CMSS1: variants seen among roughly 807,000 people sequenced by gnomAD.
The protein encoded by CMSS1 is protein CMSS1.
Under a neutral mutation model 43.5 loss-of-function variants are expected in CMSS1, and 33 were observed. The observed-to-expected ratio is 0.76, with a 90% CI of 0.57 to 1.01. The LOEUF (loss-of-function observed/expected upper bound fraction) is 1.01. CMSS1 is among the 50% of genes least tolerant of loss of function. CMSS1 has a pLI of 0.00. For missense variants in CMSS1, 313 were observed against 326.4 expected, an observed-to-expected ratio of 0.96 and a Z score of 0.32; for synonymous variants, 115 against 117.2, an observed-to-expected ratio of 0.98 and a Z score of 0.12.
At chr3:100,161,807 C>G (rs2067025987) in intron 3 of CMSS1, among the ~76,000 whole-genome samples, 1 of 152,110 alleles carries the variant, frequency 6.6e-6, no homozygotes, top group South Asian at 2.1e-4. Context: ...ACCTGAGAAT[C>G]GAGGGTGTTA....
At chr3:99,939,039 G>A (rs1012260459) in intron 1 of CMSS1, among the ~76,000 whole-genome samples, 1 of 151,900 alleles carries the variant, frequency 6.6e-6, no homozygotes, top group African/African-American at 2.4e-5. Context: ...TTCCTTGTAG[G>A]GCATAGACAA....
intron 1 of CMSS1, among the ~76,000 whole-genome samples, chr3:99,937,797 G>C (rs1707726420): frequency 6.6e-6 from 1 of 152,190 alleles, no homozygotes; most frequent in African/African-American, 2.4e-5. Context: ...ATTAGAAAAA[G>C]GGTACTGAGA....
chr3:100,162,469 C>A (rs758555127), intron 4 of CMSS1, 37 bp downstream of exon 4: 1 of 1,594,386 alleles, frequency 6.3e-7, no homozygotes, highest in Non-Finnish European at 8.6e-7. Context: ...AGACAAGGAG[C>A]AAAACATAAG....
At chr3:100,093,553 C>T (rs528212259) in intron 1 of CMSS1, among the ~76,000 whole-genome samples, 2 of 152,230 alleles carry the variant, frequency 1.3e-5, no homozygotes, top group South Asian at 2.1e-4. Flanking sequence ...ATTCCACATA[C>T]ACTTCAACCA....
chr3:100,114,063 C>T (rs564228302), intron 1 of CMSS1: 10 of 151,912 alleles, frequency 6.6e-5, no homozygotes, highest in Non-Finnish European at 1.3e-4. Flanking sequence ...CGTGCAGGTA[C>T]CGTGCAGGTG....
intron 1 of CMSS1, among the ~76,000 whole-genome samples, chr3:99,965,038 TTA>T (rs1708607492): frequency 6.6e-6 from 1 of 152,222 alleles, no homozygotes; most frequent in African/African-American, 2.4e-5. Context: ...TGTAAATAAA[TTA>T]TGATACCTTA....
intron 1 of CMSS1, among the ~76,000 whole-genome samples, chr3:99,860,919 T>G (rs1944218747): frequency 6.6e-6 from 1 of 152,216 alleles, no homozygotes. Context: ...TTAATTTTTC[T>G]TATTAAAAAT....
chr3:100,167,259 CT>C (rs1267263015), intron 5 of CMSS1, among the ~76,000 whole-genome samples: 1 of 152,136 alleles, frequency 6.6e-6, no homozygotes, highest in African/African-American at 2.4e-5. Context: ...TAGAATCAAA[CT>C]CACTAGATTA....
chr3:99,882,848 T>C (rs1705773364), intron 1 of CMSS1, among the ~76,000 whole-genome samples: 1 of 152,234 alleles, frequency 6.6e-6, no homozygotes, highest in Non-Finnish European at 1.5e-5. Context: ...AGAAATGTTT[T>C]CTTTTGTTGC....
chr3:99,933,664 T>C (rs1451960489), intron 1 of CMSS1, among the ~76,000 whole-genome samples: 1 of 152,204 alleles, frequency 6.6e-6, no homozygotes, highest in Admixed American at 6.5e-5. Context: ...ATATATTTAA[T>C]ATAGGTAAAT....
chr3:100,122,828 C>A (rs1184189812), intron 1 of CMSS1, among the ~76,000 whole-genome samples: 3 of 152,158 alleles, frequency 2.0e-5, no homozygotes, highest in Non-Finnish European at 4.4e-5. Flanking sequence ...CATGAAAAAC[C>A]TCTAATAGTA....
At chr3:99,943,980 A>G (rs1297911471) in intron 1 of CMSS1, among the ~76,000 whole-genome samples, 2 of 152,242 alleles carry the variant, frequency 1.3e-5, no homozygotes, top group East Asian at 1.9e-4. Flanking sequence ...TACCTAGAAC[A>G]TGATAGGAAC....
rs1453342021 is a variant in CMSS1, at chr3:100,078,657, G to A, written c.65-68316G>A. Among the ~76,000 whole-genome samples the A allele has an allele frequency of 2.6e-5, 4 of 152,064 alleles. No homozygotes were observed. The East Asian group carries it at 7.7e-4, about 29-fold the overall frequency. ...TGTAATCCCAGCACTTTGGGAGGCC[G>A]AGGCAGGCAGATCACTTGAAGTCAG... On this transcript the variant is annotated intron_variant, in intron 1 of 9. Transcript: ENST00000421999.
At chr3:99,840,830 A>G (rs1943100782) in intron 1 of CMSS1, among the ~76,000 whole-genome samples, 1 of 152,166 alleles carries the variant, frequency 6.6e-6, no homozygotes, top group South Asian at 2.1e-4. Context: ...ATAAACTAGA[A>G]CCTGATCTAT....
intron 1 of CMSS1, among the ~76,000 whole-genome samples, chr3:100,133,445 G>C (rs2066726109): frequency 6.7e-6 from 1 of 149,496 alleles, no homozygotes; most frequent in South Asian, 2.1e-4. Context: ...TTTTATAGTG[G>C]AACCAAATTT....
At chr3:99,958,253 G>T (rs1165557356) in intron 1 of CMSS1, among the ~76,000 whole-genome samples, 1 of 143,138 alleles carries the variant, frequency 7.0e-6, no homozygotes, top group East Asian at 2.0e-4. Flanking sequence ...ATTATTATTT[G>T]AAGGTAACAT....
In CMSS1 at chr3:99,888,672, A is replaced by G. The variant is rs1035050347; in HGVS notation, c.64+70629A>G. 2.6e-5 allele frequency among the ~76,000 whole-genome samples: 4 copies of G among 152,320 alleles called. No individual in the cohort carries two copies. The South Asian group carries it at 6.2e-4, about 24-fold the overall frequency. On this transcript the variant is annotated intron_variant, in intron 1 of 9. Coordinates refer to ENST00000421999, the MANE Select transcript of CMSS1 (RefSeq NM_032359.4). ...TTTATATACTGGCTGTGGAAGGTAA[A>G]GTAGAGAAAAGAATCTTCTTAGACT...
At position 99,900,867 on chromosome 3, in the gene CMSS1, G is replaced by A. The variant is rs115314839; in HGVS notation, c.64+82824G>A. 4.1e-3 allele frequency among the ~76,000 whole-genome samples: 626 copies of A among 152,328 alleles called. 4 individuals are homozygous for A. Among genetic ancestry groups the A allele is most frequent in the African/African-American group, 0.014 (583 of 41,574 alleles). On this transcript the variant is annotated intron_variant, in intron 1 of 9. Transcript: ENST00000421999. ...TCTGGTGATTCTTACATGTAGCAAA[G>A]TGTTAGAAGCACTGATCTAAAGGAA...
chr3:100,167,676 A>C (rs1371483192), intron 5 of CMSS1, 62 bp from the exon 6 acceptor site: 3 of 990,490 alleles, frequency 3.0e-6, no homozygotes, highest in Non-Finnish European at 4.7e-6. Context: ...GAAATGCTCA[A>C]CTTGGGAGGT....
Sources: allele counts gnomAD v4.1 joint callset (sites outside exome capture counted in the v4.1 genomes callset), GRCh38; gene constraint gnomAD v4.1.1; transcripts MANE v1.5; gene names NCBI Gene and HGNC (gene_info 2026-07-23, HGNC 2026-07-21).